Variants in SRGAP3 observed in about 807,000 individuals in gnomAD.
The protein encoded by SRGAP3 is SLIT-ROBO Rho GTPase activating protein 3.
SRGAP3 carries 39 observed loss-of-function variants against 121.1 expected under a neutral mutation model. The observed-to-expected ratio is 0.32, with a 90% CI of 0.25 to 0.42. The LOEUF is 0.42. SRGAP3 is among the 10% of genes least tolerant of loss of function. SRGAP3 has a pLI of 1.00. For missense variants in SRGAP3, 1,213 were observed against 1,470.6 expected (o/e 0.82, Z 2.86); for synonymous variants, 601 against 570.0 (o/e 1.05, Z -0.77).
chr3:9,286,113 AACACACACACACACACACAC>A (rs34023408), intron 3 of SRGAP3, among the ~76,000 whole-genome samples: 36 of 135,078 alleles, frequency 2.7e-4, no homozygotes, highest in South Asian at 2.3e-3. Flanking sequence ...CCCTATCTCA[AACACACACACACACACACAC>A]ACACACACAC....
intron 3 of SRGAP3, among the ~76,000 whole-genome samples, chr3:9,282,268 T>G (rs1954693343): frequency 6.6e-6 from 1 of 152,230 alleles, no homozygotes; most frequent in African/African-American, 2.4e-5. Flanking sequence ...TAAAACTACT[T>G]ATTAGTTTAC....
chr3:9,145,613 G>A (rs1575141560), intron 1 of SRGAP3, among the ~76,000 whole-genome samples: 1 of 152,188 alleles, frequency 6.6e-6, no homozygotes, highest in East Asian at 1.9e-4. Flanking sequence ...TACAACCCTG[G>A]GAGAGACTCA....
intron 3 of SRGAP3, among the ~76,000 whole-genome samples, chr3:9,321,594 T>C (rs1438841562): frequency 6.6e-6 from 1 of 151,918 alleles, no homozygotes; most frequent in Non-Finnish European, 1.5e-5. Context: ...TTGGTGCTGG[T>C]CTACAACCAA....
In SRGAP3 at chr3:9,029,977, C is replaced by CAA. The variant is rs142407625; in HGVS notation, c.1539+2671_1539+2672dup. On this transcript the variant is annotated intron_variant, in intron 12 of 21. Coordinates refer to ENST00000383836, the MANE Select transcript of SRGAP3 (RefSeq NM_014850.4). Reference sequence around the variant, plus strand: ...ACAACATGGTAAGATCCTGTCTCTACAAAAAAAAAAAAAATTATTTTTTAA... The same window carrying CAA: ...ACAACATGGTAAGATCCTGTCTCTACAAAAAAAAAAAAAAAATTATTTTTTAA... Among the ~76,000 whole-genome samples the CAA allele has an allele frequency of 9.7e-3, 1,312 of 135,298 alleles. 26 individuals are homozygous for CAA. The highest frequency in any genetic ancestry group is 0.032 in the African/African-American group (1,201 of 38,106). The allele number at this position is 135,298 out of a possible 152,430, so 88.8% of individuals were successfully genotyped here.
intron 3 of SRGAP3, among the ~76,000 whole-genome samples, chr3:9,086,659 CATATT>C (rs930683933): frequency 7.5e-6 from 1 of 133,320 alleles, no homozygotes; most frequent in African/African-American, 2.7e-5. Context: ...ATATGAAATA[CATATT>C]ATATGTATCT....
chr3:9,073,643 G>C (rs1373758936), intron 4 of SRGAP3, among the ~76,000 whole-genome samples: 2 of 152,192 alleles, frequency 1.3e-5, no homozygotes, highest in Non-Finnish European at 2.9e-5. Context: ...CTACCTCAAA[G>C]GGTTACGATG....
intron 3 of SRGAP3, among the ~76,000 whole-genome samples, chr3:9,097,813 G>A (rs1948048959): frequency 6.6e-6 from 1 of 152,190 alleles, no homozygotes; most frequent in South Asian, 2.1e-4. Flanking sequence ...CCCAACAGGA[G>A]GGTTTAAAGG....
chr3:9,189,697 G>A (rs908630689), intron 1 of SRGAP3, among the ~76,000 whole-genome samples: 2 of 152,190 alleles, frequency 1.3e-5, no homozygotes, highest in African/African-American at 4.8e-5. Flanking sequence ...GGATCAGTAG[G>A]AAATGGGTGA....
At chr3:9,164,993 C>T (rs747236192) in intron 1 of SRGAP3, among the ~76,000 whole-genome samples, 6 of 152,264 alleles carry the variant, frequency 3.9e-5, no homozygotes, top group African/African-American at 7.2e-5. Context: ...AGTGGAGTCC[C>T]ATGATCCCAT....
chr3:9,179,679 G>A (rs754795978), intron 1 of SRGAP3, among the ~76,000 whole-genome samples: 1 of 152,220 alleles, frequency 6.6e-6, no homozygotes, highest in African/African-American at 2.4e-5. Flanking sequence ...AGCTCTTCCA[G>A]GCCTCTGTCA....
At chr3:9,033,450 G>GT (rs2125095258) in intron 11 of SRGAP3, 1 of 151,112 alleles carries the variant, frequency 6.6e-6, no homozygotes, top group South Asian at 2.1e-4. Context: ...TTGAGACGGA[G>GT]TCTTGCCCTG....
chr3:9,159,116 G>A (rs572654529), intron 1 of SRGAP3, among the ~76,000 whole-genome samples: 2 of 151,974 alleles, frequency 1.3e-5, no homozygotes, highest in East Asian at 1.9e-4. Flanking sequence ...TGGGGTCCTC[G>A]GGCCATCACT....
intron 1 of SRGAP3, among the ~76,000 whole-genome samples, chr3:9,136,781 A>G (rs1949680779): frequency 6.6e-6 from 1 of 152,040 alleles, no homozygotes; most frequent in Non-Finnish European, 1.5e-5. Context: ...CTCCGCCAGG[A>G]GCTTCCTGGG....
At chr3:9,235,497 C>CTTTGTCTTTTTTTTT in intron 1 of SRGAP3, 1 of 124,048 alleles carries the variant, frequency 8.1e-6, no homozygotes, top group African/African-American at 3.3e-5. Context: ...TATTTTTTTT[C>CTTTGTCTTTTTTTTT]TTTTTCTTTT....
chr3:9,111,791 G>A (rs1256776566), intron 2 of SRGAP3, among the ~76,000 whole-genome samples: 1 of 152,178 alleles, frequency 6.6e-6, no homozygotes, highest in African/African-American at 2.4e-5. Flanking sequence ...CAGAATGAAT[G>A]AGGGCCAGTG....
At chr3:9,044,135 A>G (rs544557540) in intron 10 of SRGAP3, among the ~76,000 whole-genome samples, 1 of 152,258 alleles carries the variant, frequency 6.6e-6, no homozygotes, top group African/African-American at 2.4e-5. Flanking sequence ...TCTCAAATCC[A>G]CTTTTAAGTA....
intron 1 of SRGAP3, among the ~76,000 whole-genome samples, chr3:9,347,916 T>C (rs1237639353): frequency 1.3e-5 from 2 of 152,184 alleles, no homozygotes; most frequent in East Asian, 3.8e-4. Context: ...GAAGAGAAAA[T>C]TGGCTAAATC....
intron 1 of SRGAP3, among the ~76,000 whole-genome samples, chr3:9,163,226 G>A (rs1026882029): frequency 2.0e-5 from 3 of 152,180 alleles, no homozygotes; most frequent in Admixed American, 1.3e-4. Context: ...CAGTCTGTCC[G>A]GGCCAAACCC....
intron 1 of SRGAP3, among the ~76,000 whole-genome samples, chr3:9,225,851 G>C (rs902611902): frequency 5.3e-5 from 8 of 152,132 alleles, no homozygotes; most frequent in African/African-American, 1.7e-4. Context: ...AAGGGCAATC[G>C]GTGCTCATCC....
Sources: allele counts gnomAD v4.1 joint callset (sites outside exome capture counted in the v4.1 genomes callset), GRCh38; gene constraint gnomAD v4.1.1; transcripts MANE v1.5; gene names NCBI Gene and HGNC (gene_info 2026-07-23, HGNC 2026-07-21).